Variants in C8orf74 observed in about 807,000 individuals in gnomAD.
The protein encoded by C8orf74 is uncharacterized protein C8orf74.
In C8orf74, 29 loss-of-function variants were observed where a neutral mutation model predicts 22.2. The ratio of observed to expected loss-of-function variants is 1.31; its 90% CI spans 0.97 to 1.78. The LOEUF is 1.78. C8orf74 is among the 40% of genes most tolerant of loss of function. C8orf74 has a pLI of 0.00. For synonymous variants in C8orf74, 255 were observed against 163.1 expected, an observed-to-expected ratio of 1.56 and a Z score of -4.30; for missense variants, 515 against 369.9, an observed-to-expected ratio of 1.39 and a Z score of -3.22.
intron 2 of C8orf74, among the ~76,000 whole-genome samples, chr8:10,677,203 A>G (rs1029491710): frequency 1.3e-5 from 2 of 152,032 alleles, no homozygotes; most frequent in Non-Finnish European, 2.9e-5. Context: ...TTACATGACC[A>G]CACTCATCAT....
At chr8:10,686,162 G>C (rs1482906668) in intron 2 of C8orf74, among the ~76,000 whole-genome samples, 1 of 152,156 alleles carries the variant, frequency 6.6e-6, no homozygotes, top group East Asian at 1.9e-4. Flanking sequence ...AAGAATGCTA[G>C]TGGACATATT....
chr8:10,695,196 G>C (rs925014505), intron 2 of C8orf74, among the ~76,000 whole-genome samples: 1 of 152,124 alleles, frequency 6.6e-6, no homozygotes, highest in African/African-American at 2.4e-5. Flanking sequence ...GTACGAAGCT[G>C]GACATCTTAC....
intron 1 of C8orf74, chr8:10,673,508 T>C (rs916524157): frequency 6.6e-6 from 1 of 152,386 alleles, no homozygotes; most frequent in African/African-American, 2.4e-5. Context: ...CACTGTAGTA[T>C]AAATTTCATT....
chr8:10,676,770 C>A (rs963465839), intron 2 of C8orf74, among the ~76,000 whole-genome samples: 2 of 152,154 alleles, frequency 1.3e-5, no homozygotes, highest in Non-Finnish European at 2.9e-5. Flanking sequence ...GGCCCTGCCT[C>A]CCCACTGCTC....
chr8:10,690,097 C>T (rs1799341531), intron 2 of C8orf74, among the ~76,000 whole-genome samples: 1 of 152,168 alleles, frequency 6.6e-6, no homozygotes, highest in Non-Finnish European at 1.5e-5. Context: ...TTGCAGTGTC[C>T]ACCTCCAAGA....
intron 2 of C8orf74, among the ~76,000 whole-genome samples, chr8:10,678,296 A>G (rs1799075116): frequency 6.6e-6 from 1 of 152,196 alleles, no homozygotes; most frequent in Non-Finnish European, 1.5e-5. Context: ...TGGGATTGTT[A>G]GAAGGATCAA....
chr8:10,685,655 G>A (rs935154792), intron 2 of C8orf74, among the ~76,000 whole-genome samples: 5 of 152,194 alleles, frequency 3.3e-5, no homozygotes, highest in African/African-American at 1.2e-4. Context: ...GGAGTGGGGA[G>A]TTAATGTTTA....
At chr8:10,691,021 A>G (rs2129058144) in intron 2 of C8orf74, 1 of 437,400 alleles carries the variant, frequency 2.3e-6, no homozygotes, top group South Asian at 1.6e-5. Flanking sequence ...TAATCCCTCC[A>G]CTTTCTGAGT....
At chr8:10,681,116 C>G (rs1799138976) in intron 2 of C8orf74, among the ~76,000 whole-genome samples, 1 of 151,812 alleles carries the variant, frequency 6.6e-6, no homozygotes, top group Non-Finnish European at 1.5e-5. Flanking sequence ...AGAGCTCTGC[C>G]AGGACAGCTG....
chr8:10,699,413 G>A (rs1343491669), intron 3 of C8orf74, among the ~76,000 whole-genome samples: 3 of 152,200 alleles, frequency 2.0e-5, no homozygotes, highest in East Asian at 3.8e-4. Context: ...GATATTCTGG[G>A]GCAAATGCAC....
chr8:10,683,979 C>T (rs951432283), intron 2 of C8orf74, among the ~76,000 whole-genome samples: 1 of 152,188 alleles, frequency 6.6e-6, no homozygotes, highest in Non-Finnish European at 1.5e-5. Context: ...AGCCCAAATC[C>T]CTGCGTGCTA....
At chr8:10,673,300 T>C (rs1406853989) in intron 1 of C8orf74, among the ~76,000 whole-genome samples, 1 of 152,142 alleles carries the variant, frequency 6.6e-6, no homozygotes, top group Non-Finnish European at 1.5e-5. Context: ...TTGCTTCTCC[T>C]ACATCTGCTG....
intron 3 of C8orf74, among the ~76,000 whole-genome samples, chr8:10,698,320 T>C (rs60672851): frequency 0.095 from 14,398 of 152,110 alleles, 2,165 homozygotes; most frequent in African/African-American, 0.32. Context: ...TCTGTGTCAT[T>C]GGTCAGTGAC....
chr8:10,686,532 C>G (rs1220205428), intron 2 of C8orf74: 2 of 152,534 alleles, frequency 1.3e-5, no homozygotes, highest in African/African-American at 4.8e-5. Context: ...TTCTCATAAG[C>G]ACCCACATGC....
Position 10,672,641 on chromosome 8 carries a change from C to G in C8orf74, c.-25C>G. On this transcript the variant is annotated 5_prime_UTR_variant, in exon 1 of 4. Coordinates refer to ENST00000304519, the MANE Select transcript of C8orf74 (RefSeq NM_001040032.2). ...AAACTCTGAGTCAGTCTGGCTCCGT[C>G]TCCTGGCAACCAGATGCAGGGGCCA... 2 of 1,558,776 alleles carry G rather than the reference C, an allele frequency of 1.3e-6. No homozygotes were observed. Among genetic ancestry groups the G allele is most frequent in the Non-Finnish European group, 1.7e-6 (2 of 1,150,866 alleles).
At chr8:10,676,106 T>A (rs1489556604) in intron 2 of C8orf74, among the ~76,000 whole-genome samples, 1 of 152,226 alleles carries the variant, frequency 6.6e-6, no homozygotes, top group Non-Finnish European at 1.5e-5. Context: ...TTAAGTGGAC[T>A]GGGAAGAGTT....
At chr8:10,688,414 A>G (rs1799306410) in intron 2 of C8orf74, 1 of 152,182 alleles carries the variant, frequency 6.6e-6, no homozygotes. Flanking sequence ...GTGCAGCCTG[A>G]GGTTAGCCTG....
rs372338088 is a variant in C8orf74, at chr8:10,689,143, C to T, written c.242-8456C>T. Reference sequence around the variant, plus strand: ...CAATGAAAAGAAATAGACACCAATCCCTTCCCTACACAGGGAGTGGTGATG... The same window carrying T: ...CAATGAAAAGAAATAGACACCAATCTCTTCCCTACACAGGGAGTGGTGATG... On this transcript the variant is annotated intron_variant, in intron 2 of 3. Transcript: ENST00000304519. 5.2e-5 allele frequency: 8 copies of T among 152,382 alleles called. No homozygotes were observed. In the East Asian group the frequency reaches 9.6e-4, roughly 18 times the overall value. The allele number at this position is 152,382 out of a possible 1,614,324, so 9.4% of individuals were successfully genotyped here.
intron 2 of C8orf74, among the ~76,000 whole-genome samples, chr8:10,682,240 G>A (rs913049816): frequency 1.3e-5 from 2 of 152,182 alleles, no homozygotes; most frequent in African/African-American, 2.4e-5. Context: ...TTGATGGATG[G>A]TGGAAGTCTC....
Sources: gnomAD v4.1 joint callset for allele counts (sites outside exome capture counted in the v4.1 genomes callset) on GRCh38, gnomAD v4.1.1 for gene constraint, MANE v1.5 for transcripts, NCBI Gene and HGNC (gene_info 2026-07-23, HGNC 2026-07-21) for gene names.